MYH4: variants seen among roughly 807,000 people sequenced by gnomAD.
MYH4 encodes the protein myosin heavy chain 4.
A neutral mutation model predicts 229.9 loss-of-function variants in MYH4; 200 were observed. The observed-to-expected ratio is 0.87, with a 90% CI of 0.78 to 0.98. The LOEUF is 0.98. Among genes scored for constraint, MYH4 ranks in the 50% least tolerant of loss-of-function variants. The pLI is 0.00. For missense variants in MYH4, 2,148 were observed against 2,332.6 expected (o/e 0.92, Z 1.63); for synonymous variants, 761 against 834.6 (o/e 0.91, Z 1.52).
At chr17:10,453,127 G>A in intron 24 of MYH4, 25 bp downstream of exon 24, 1 of 1,613,788 alleles carries the variant, frequency 6.2e-7, no homozygotes, top group Non-Finnish European at 8.5e-7. Context: ...ATTGCAAGGG[G>A]AAACATTTTC....
At chr17:10,451,807 TG>T (rs2072576520) in intron 27 of MYH4, 133 bp downstream of exon 27, 1 of 1,117,912 alleles carries the variant, frequency 8.9e-7, no homozygotes. Context: ...AATACAATAA[TG>T]TGTACTAGGA....
Position 10,444,602 on chromosome 17 carries a change from A to C in MYH4, c.5667+2T>G, listed in dbSNP as rs1269438209. ...TTTCATTTCCACTGTGGAGATACTCACAGCCTCTTCAGCTTGTCTCTTGTA... is the reference window on the plus strand; with the variant it reads ...TTTCATTTCCACTGTGGAGATACTCCCAGCCTCTTCAGCTTGTCTCTTGTA... On this transcript the variant is annotated splice_donor_variant, in intron 39 of 39. Coordinates refer to ENST00000255381, the MANE Select transcript of MYH4 (RefSeq NM_017533.2). LOFTEE classifies it high-confidence loss of function. 8.1e-6 allele frequency: 13 copies of C among 1,612,588 alleles called. No homozygotes were observed. Among genetic ancestry groups the C allele is most frequent in the African/African-American group, 1.3e-5 (1 of 74,864 alleles).
chr17:10,463,747 T>C (rs2072729313), intron 7 of MYH4, 104 bp from the exon 8 acceptor site: 1 of 853,478 alleles, frequency 1.2e-6, no homozygotes. Context: ...TTCTGTAACT[T>C]TGGGAAAGGC....
At chr17:10,455,571 T>C (rs368935762) in intron 19 of MYH4, 43 bp downstream of exon 19, 2 of 1,606,638 alleles carry the variant, frequency 1.2e-6, no homozygotes, top group Admixed American at 1.7e-5. Flanking sequence ...AGTGATTTTG[T>C]GTAGACTAAG....
At position 10,452,072 on chromosome 17, in the gene MYH4, T is replaced by C; in HGVS notation, c.3607A>G (p.Ser1203Gly). The C allele has an allele frequency of 1.2e-6, 2 of 1,614,036 alleles. No homozygotes were observed. The highest frequency in any genetic ancestry group is 2.2e-5 in the South Asian group (2 of 91,082). The change falls in exon 27 of 40, where the codon AGT (serine) becomes GGT (glycine). Residue 1203 changes from serine to glycine, a missense_variant. Physicochemically the swap from Ser to Gly is moderately conservative, Grantham distance 56. Coordinates refer to ENST00000255381, the MANE Select transcript of MYH4 (RefSeq NM_017533.2). ...ATCTGCTCCCCAAGCTCAGCCACAC[T>C]ATCTGCGTGCTTCTTCCGAAGAGCA... ...AAALRKKHADSVAELGEQIDS... is the reference protein window; with the variant it reads ...AAALRKKHADGVAELGEQIDS...
In MYH4 at chr17:10,448,054, C is replaced by T. The variant is rs2072531132; in HGVS notation, c.4729G>A (p.Asp1577Asn). Reference sequence around the variant, plus strand: ...TCATCTTTTTCAGCAATTTTTCGGTCAATCTCAGATTTCACCTGATTTAGC... The same window carrying T: ...TCATCTTTTTCAGCAATTTTTCGGTTAATCTCAGATTTCACCTGATTTAGC... Reference protein sequence around the residue: ...LELNQVKSEIDRKIAEKDEEL... With the variant: ...LELNQVKSEINRKIAEKDEEL... The change falls in exon 34 of 40, where the codon GAC becomes AAC. Residue 1577 changes from aspartate to asparagine, a missense_variant. By Grantham distance (23) the Asp-to-Asn change is conservative. Transcript: ENST00000255381. 6.2e-7 allele frequency: 1 copy of T among 1,613,886 alleles called. No homozygotes were observed. The highest frequency in any genetic ancestry group is 8.5e-7 in the Non-Finnish European group (1 of 1,179,994).
intron 14 of MYH4, 102 bp downstream of exon 14, chr17:10,459,850 A>G: frequency 1.3e-6 from 2 of 1,598,184 alleles, no homozygotes; most frequent in Non-Finnish European, 1.7e-6. Flanking sequence ...TTCAGTAGGA[A>G]TTACATTTGT....
rs775332751 is a variant in MYH4 at position 10,450,467 on chromosome 17, C to T, written c.4167G>A (p.Glu1389=). The part of the protein sequence containing the change: ...YETDAIQRTE[E]LEEAKKKLAQ... Reference sequence around the variant, plus strand: ...AAAGCACATACTTGGCCTCCTCCAGCTCCTCTGTGCGCTGGATGGCGTCCG... The same window carrying T: ...AAAGCACATACTTGGCCTCCTCCAGTTCCTCTGTGCGCTGGATGGCGTCCG... Residue 1389 remains glutamate, a synonymous_variant, in exon 30 of 40, where the codon GAG becomes GAA. Coordinates refer to ENST00000255381, the MANE Select transcript of MYH4 (RefSeq NM_017533.2). 5.0e-6 allele frequency: 8 copies of T among 1,613,954 alleles called. No homozygotes were observed. Among genetic ancestry groups the T allele is most frequent in the Non-Finnish European group, 6.8e-6 (8 of 1,179,888 alleles).
chr17:10,461,862 CTT>C (rs2072707328), intron 11 of MYH4, among the ~76,000 whole-genome samples: 1 of 152,186 alleles, frequency 6.6e-6, no homozygotes, highest in Non-Finnish European at 1.5e-5. Flanking sequence ...ACCTAAGACT[CTT>C]TCCCCAGATT....
rs777774759 is a variant in MYH4 at position 10,466,295 on chromosome 17, C to T, written c.326G>A (p.Arg109His). 14 of 1,613,950 alleles carry T rather than the reference C, an allele frequency of 8.7e-6. No homozygotes were observed. Among genetic ancestry groups the T allele is most frequent in the Admixed American group, 8.3e-5 (5 of 59,996 alleles). The change falls in exon 4 of 40, where the codon CGT (arginine) becomes CAT (histidine). Residue 109 changes from arginine (R) to histidine (H), a missense_variant. By Grantham distance (29) the Arg-to-His change is conservative. Transcript: ENST00000255381. ...CACGTAGATCATCCAGGCTGCGTAA[C>T]GCTCTTTGAGGTTATACAGCACAGC... ...EPAVLYNLKE[R>H]YAAWMIYTYS...
At chr17:10,451,480 A>T (rs1440796174) in intron 27 of MYH4, 28 bp from the exon 28 acceptor site, 1 of 1,604,490 alleles carries the variant, frequency 6.2e-7, no homozygotes, top group Non-Finnish European at 8.5e-7. Context: ...AAACAGGAAG[A>T]GACAATACAT....
chr17:10,468,637 T>G (rs762479833), intron 2 of MYH4, among the ~76,000 whole-genome samples: 11 of 152,230 alleles, frequency 7.2e-5, no homozygotes, highest in Non-Finnish European at 1.3e-4. Flanking sequence ...TTCCATTAAA[T>G]GTTTTGATTC....
chr17:10,448,861 C>T lies in MYH4; in HGVS notation c.4365+3G>A, dbSNP rs765608648. 1.7e-5 allele frequency: 27 copies of T among 1,613,722 alleles called. No individual in the cohort carries two copies. In the South Asian group the frequency reaches 2.9e-4, roughly 17 times the overall value. The stretch of plus-strand genomic sequence containing the variant: ...CCCAAGGGGAGCTGGTACTGTGGAC[C>T]ACCTTGTCAAAGTTTCTTTGCTTCT... On this transcript the variant is annotated splice_donor_region_variant and intron_variant, in intron 31 of 39. Coordinates refer to ENST00000255381, the MANE Select transcript of MYH4 (RefSeq NM_017533.2).
Position 10,451,985 on chromosome 17 carries a change from T to C in MYH4, c.3694A>G (p.Ile1232Val). 6.2e-7 allele frequency: 1 copy of C among 1,613,590 alleles called. No individual in the cohort carries two copies. The highest frequency in any genetic ancestry group is 8.5e-7 in the Non-Finnish European group (1 of 1,179,722). Reference protein sequence around the residue: ...EKEKSELKMEINDLASNMETV... With the variant: ...EKEKSELKMEVNDLASNMETV... Reference sequence around the variant, plus strand: ...TCCATGTTACTAGCAAGGTCATTGATCTCCATCTTCAGCTCACTCTTTTCC... The same window carrying C: ...TCCATGTTACTAGCAAGGTCATTGACCTCCATCTTCAGCTCACTCTTTTCC... The change falls in exon 27 of 40, where the codon ATC becomes GTC. Residue 1232 changes from isoleucine (I) to valine (V), a missense_variant. Physicochemically the swap from Ile to Val is conservative, Grantham distance 29. Transcript: ENST00000255381.
At chr17:10,461,163 G>T in intron 11 of MYH4, 109 bp from the exon 12 acceptor site, 3 of 1,261,642 alleles carry the variant, frequency 2.4e-6, no homozygotes, top group Non-Finnish European at 3.4e-6. Flanking sequence ...CCTTATATTT[G>T]ACTAGCACTT....
At chr17:10,448,327 AT>A in intron 33 of MYH4, 68 bp downstream of exon 33, 2 of 1,506,792 alleles carry the variant, frequency 1.3e-6, no homozygotes, top group East Asian at 4.6e-5. Context: ...TTGCAACATG[AT>A]AGAGATCTCA....
Position 10,463,091 on chromosome 17 carries a change from A to G in MYH4, c.903T>C (p.Ile301=). ...QILSNKKPEL[I]EMLLITTNPY... ...AAATAAATCAAAGATGTGTCTTACC[A>G]ATGAGCTCTGGTTTCTTATTGGACA... The change falls in exon 10 of 40, where the codon ATT becomes ATC. Residue 301 remains isoleucine (I), a splice_region_variant and synonymous_variant. Coordinates refer to ENST00000255381, the MANE Select transcript of MYH4 (RefSeq NM_017533.2). 5.0e-6 allele frequency: 8 copies of G among 1,609,222 alleles called. No homozygotes were observed. The highest frequency in any genetic ancestry group is 6.8e-6 in the Non-Finnish European group (8 of 1,175,934).
intron 2 of MYH4, 94 bp from the exon 3 acceptor site, chr17:10,466,878 G>T (rs113170264): frequency 8.7e-7 from 1 of 1,144,354 alleles, no homozygotes; most frequent in Non-Finnish European, 1.2e-6. Context: ...TTCCATGCTT[G>T]TTTCCTCACC....
Position 10,443,319 on chromosome 17 carries a change from A to G in MYH4, c.*56T>C. On this transcript the variant is annotated 3_prime_UTR_variant, in exon 40 of 40. Transcript: ENST00000255381. The surrounding 1 kb of genome is among the most constrained non-coding windows in gnomAD (Gnocchi z 4.6). The stretch of plus-strand genomic sequence containing the variant: ...TTTCCTTGATATACAGGACAGTGAC[A>G]AAGAACTTCACATTTCGTGCATTTC... 6.3e-7 allele frequency: 1 copy of G among 1,578,962 alleles called. No homozygotes were observed. Among genetic ancestry groups the G allele is most frequent in the African/African-American group, 1.3e-5 (1 of 74,280 alleles).
Sources: gnomAD v4.1 joint callset for allele counts (sites outside exome capture counted in the v4.1 genomes callset) on GRCh38, gnomAD v4.1.1 for gene constraint, Gnocchi (gnomAD v3.1) non-coding constraint, MANE v1.5 for transcripts, NCBI Gene and HGNC (gene_info 2026-07-23, HGNC 2026-07-21) for gene names.